DNAJC1: variants seen among roughly 807,000 people sequenced by gnomAD.
The protein encoded by DNAJC1 is dnaJ homolog subfamily C member 1.
DNAJC1 carries 58 observed loss-of-function variants against 76.6 expected under a neutral mutation model. That is an observed-to-expected ratio of 0.76 (90% CI 0.61 to 0.94). DNAJC1 has a LOEUF of 0.94. DNAJC1 is among the 40% of genes least tolerant of loss of function. The pLI, the probability that DNAJC1 is intolerant of heterozygous loss-of-function variation, is 0.00. For synonymous variants in DNAJC1, 258 were observed against 267.9 expected (o/e 0.96, Z 0.36); for missense variants, 689 against 677.3 (o/e 1.02, Z -0.19).
chr10:21,884,310 A>G (rs1836333388), intron 7 of DNAJC1, among the ~76,000 whole-genome samples: 1 of 152,166 alleles, frequency 6.6e-6, no homozygotes, highest in Admixed American at 6.5e-5. Context: ...ACAAATAAGA[A>G]AAGAGGCTCA....
chr10:21,780,152 C>G (rs1834508115), intron 9 of DNAJC1, among the ~76,000 whole-genome samples: 2 of 152,218 alleles, frequency 1.3e-5, no homozygotes, highest in Admixed American at 1.3e-4. Context: ...GACAATGGAA[C>G]CAAGTTGGAA....
At chr10:21,971,667 G>A (rs1203310600) in intron 1 of DNAJC1, among the ~76,000 whole-genome samples, 1 of 151,768 alleles carries the variant, frequency 6.6e-6, no homozygotes, top group Non-Finnish European at 1.5e-5. Flanking sequence ...AACTTATTTT[G>A]AAAATATTCT....
At chr10:21,776,838 A>G (rs1206348571) in intron 9 of DNAJC1, among the ~76,000 whole-genome samples, 1 of 152,204 alleles carries the variant, frequency 6.6e-6, no homozygotes, top group Non-Finnish European at 1.5e-5. Context: ...CACTTATGCA[A>G]AAAGACAATT....
At position 21,929,068 on chromosome 10, in the gene DNAJC1, T is replaced by A. The variant is rs748300786; in HGVS notation, c.296A>T (p.Asp99Val). 10 of 1,611,384 alleles carry A rather than the reference T, an allele frequency of 6.2e-6. No homozygotes were observed. Among genetic ancestry groups the A allele is most frequent in the Non-Finnish European group, 8.5e-6 (10 of 1,179,122 alleles). ...SLTLHPDKNK[D>V]ENAETQFRQL... Reference sequence around the variant, plus strand: ...TCTAAACTGAGTTTCTGCATTTTCATCTTTATTCTTGTCTGGATGTAAAGT... The same window carrying A: ...TCTAAACTGAGTTTCTGCATTTTCAACTTTATTCTTGTCTGGATGTAAAGT... The change falls in exon 2 of 12, where the codon GAT (aspartate) becomes GTT (valine). Residue 99 changes from aspartate to valine, a missense_variant. Coordinates refer to ENST00000376980, the MANE Select transcript of DNAJC1 (RefSeq NM_022365.4).
At chr10:21,851,370 T>C (rs1236207402) in intron 8 of DNAJC1, among the ~76,000 whole-genome samples, 1 of 152,096 alleles carries the variant, frequency 6.6e-6, no homozygotes, top group Non-Finnish European at 1.5e-5. Flanking sequence ...GAAAAGATTC[T>C]CAACATCATT....
At chr10:21,891,545 C>G (rs1395190485) in intron 7 of DNAJC1, among the ~76,000 whole-genome samples, 1 of 139,962 alleles carries the variant, frequency 7.1e-6, no homozygotes, top group African/African-American at 2.7e-5. Flanking sequence ...GGACTCTGAA[C>G]AGCAACTTAA....
chr10:21,790,731 AC>A, intron 9 of DNAJC1, among the ~76,000 whole-genome samples: 1 of 152,180 alleles, frequency 6.6e-6, no homozygotes, highest in East Asian at 1.9e-4. Context: ...TATAGCAAAT[AC>A]ACAAAGCAGA....
At chr10:21,784,298 A>G (rs1834573568) in intron 9 of DNAJC1, among the ~76,000 whole-genome samples, 1 of 152,240 alleles carries the variant, frequency 6.6e-6, no homozygotes, top group Non-Finnish European at 1.5e-5. Context: ...ATGCAAGAAA[A>G]AATGCTCATC....
chr10:21,987,343 A>G (rs1488457219), intron 1 of DNAJC1, among the ~76,000 whole-genome samples: 1 of 152,220 alleles, frequency 6.6e-6, no homozygotes, highest in African/African-American at 2.4e-5. Context: ...ATGAGGATTT[A>G]AAGAGTAAAT....
intron 1 of DNAJC1, among the ~76,000 whole-genome samples, chr10:21,961,577 G>A (rs910560726): frequency 2.0e-5 from 3 of 152,160 alleles, no homozygotes; most frequent in African/African-American, 7.2e-5. Flanking sequence ...TGGTGTGGGG[G>A]AAGGGGAAAA....
chr10:21,868,571 G>T (rs1279439050), intron 8 of DNAJC1, among the ~76,000 whole-genome samples: 1 of 152,046 alleles, frequency 6.6e-6, no homozygotes, highest in Non-Finnish European at 1.5e-5. Context: ...TTGATCTCAA[G>T]AGGTCACATA....
intron 9 of DNAJC1, among the ~76,000 whole-genome samples, chr10:21,801,176 AT>A (rs1322923348): frequency 2.6e-5 from 4 of 152,218 alleles, no homozygotes; most frequent in African/African-American, 7.2e-5. Flanking sequence ...ACAAAAATGA[AT>A]AATGGAATAA....
chr10:21,791,534 T>C (rs1251136588), intron 9 of DNAJC1, among the ~76,000 whole-genome samples: 4 of 152,146 alleles, frequency 2.6e-5, no homozygotes, highest in African/African-American at 9.7e-5. Context: ...GTAGAAATCA[T>C]ATCAAGTATC....
intron 1 of DNAJC1, among the ~76,000 whole-genome samples, chr10:21,945,360 G>C (rs1234672887): frequency 6.6e-6 from 1 of 152,164 alleles, no homozygotes; most frequent in African/African-American, 2.4e-5. Context: ...AATGGAAAAA[G>C]ATACGTGGCT....
chr10:21,769,948 A>C (rs1169265480), intron 9 of DNAJC1, among the ~76,000 whole-genome samples: 20 of 152,092 alleles, frequency 1.3e-4, no homozygotes, highest in Admixed American at 1.3e-3. Flanking sequence ...GGCCTCCCAA[A>C]GTGCTGGGAT....
intron 8 of DNAJC1, among the ~76,000 whole-genome samples, chr10:21,852,268 G>C (rs1350938623): frequency 6.6e-6 from 1 of 151,996 alleles, no homozygotes; most frequent in South Asian, 2.1e-4. Context: ...ATTCAGAACA[G>C]GTAAATTCAT....
At chr10:21,969,975 CA>C (rs11347502) in intron 1 of DNAJC1, among the ~76,000 whole-genome samples, 5,571 of 152,144 alleles carry the variant, frequency 0.037, 177 homozygotes, top group African/African-American at 0.074. Context: ...CCAATTTATT[CA>C]GTTCCTGATT....
chr10:21,790,505 A>C (rs1055637172), intron 9 of DNAJC1, among the ~76,000 whole-genome samples: 13 of 90,268 alleles, frequency 1.4e-4, no homozygotes, highest in East Asian at 9.0e-4. Flanking sequence ...GTATTCAATA[A>C]ATTGCCAAAA....
At chr10:21,773,341 A>G (rs1834412330) in intron 9 of DNAJC1, among the ~76,000 whole-genome samples, 2 of 152,104 alleles carry the variant, frequency 1.3e-5, no homozygotes. Flanking sequence ...ATTTTCATTC[A>G]TCTCTGATAA....
Sources: allele counts gnomAD v4.1 joint callset (sites outside exome capture counted in the v4.1 genomes callset), GRCh38; gene constraint gnomAD v4.1.1; transcripts MANE v1.5; gene names NCBI Gene and HGNC (gene_info 2026-07-23, HGNC 2026-07-21).